The following IPO7 variants were observed in gnomAD, a reference collection of about 807,000 sequenced individuals.
The protein encoded by IPO7 is importin 7.
A neutral mutation model predicts 136.4 loss-of-function variants in IPO7; 13 were observed. The observed-to-expected ratio is 0.10, with a 90% CI of 0.06 to 0.15. The LOEUF is 0.15. IPO7 is among the 10% of genes least tolerant of loss of function. IPO7 has a pLI of 1.00. For synonymous variants in IPO7, 403 were observed against 404.4 expected (o/e 1.00, Z 0.04); for missense variants, 857 against 1,240.6 (o/e 0.69, Z 4.65).
At chr11:9,390,740 A>G (rs1371882604) in intron 1 of IPO7, among the ~76,000 whole-genome samples, 1 of 124,750 alleles carries the variant, frequency 8.0e-6, no homozygotes, top group Non-Finnish European at 1.7e-5. Context: ...TCGCTCGTCC[A>G]GGAGTTTGAG....
chr11:9,392,176 T>A lies in IPO7; in HGVS notation c.84+7329T>A, dbSNP rs1488689721. On this transcript the variant is annotated intron_variant, in intron 1 of 24. Transcript: ENST00000379719. ...ATATTTGCCTTTGTCAAATTCTTTT[T>A]TTTTTTTTTTTTTTTTTTGAGACGG... 3 of 297,210 alleles carry A rather than the reference T, an allele frequency of 1.0e-5. 1 individual carries two copies. Among genetic ancestry groups the A allele is most frequent in the African/African-American group, 7.8e-5 (3 of 38,360 alleles). 18.4% of individuals were successfully genotyped at this position (297,210 alleles called of 1,614,324 possible).
chr11:9,446,611 C>A lies in IPO7; in HGVS notation c.*1417C>A, dbSNP rs982559392. On this transcript the variant is annotated 3_prime_UTR_variant, in exon 25 of 25. Coordinates refer to ENST00000379719, the MANE Select transcript of IPO7 (RefSeq NM_006391.3). Reference sequence around the variant, plus strand: ...GGGTTATTTTTTATATACATGTATACACAAAATATTTCAAATTGAAAGCAA... The same window carrying A: ...GGGTTATTTTTTATATACATGTATAAACAAAATATTTCAAATTGAAAGCAA... 1 of 152,104 alleles carries A rather than the reference C, an allele frequency of 6.6e-6. No individual in the cohort carries two copies. The highest frequency in any genetic ancestry group is 1.5e-5 in the Non-Finnish European group (1 of 68,028). The allele number at this position is 152,104 out of a possible 1,614,324, so 9.4% of individuals were successfully genotyped here.
chr11:9,442,133 T>C lies in IPO7; in HGVS notation c.2955T>C (p.Asn985=), dbSNP rs776336997. The change falls in exon 24 of 25, where the codon AAT becomes AAC. Residue 985 remains asparagine (N), a synonymous_variant. Coordinates refer to ENST00000379719, the MANE Select transcript of IPO7 (RefSeq NM_006391.3). ...VWYQALTHGL[N]EEQRKQLQDI... The stretch of plus-strand genomic sequence containing the variant: ...ATCAGGCACTGACTCACGGTCTTAA[T>C]GAAGAACAAAGAAAACAGTTACAGG... The C allele has an allele frequency of 6.2e-7, 1 of 1,610,458 alleles. No homozygotes were observed. Among genetic ancestry groups the C allele is most frequent in the Non-Finnish European group, 8.5e-7 (1 of 1,176,802 alleles).
At chr11:9,429,263 T>G in intron 14 of IPO7, 67 bp downstream of exon 14, 2 of 1,332,334 alleles carry the variant, frequency 1.5e-6, no homozygotes, top group Non-Finnish European at 2.1e-6. Context: ...ACCTGTAATC[T>G]TAGCACTTCG....
Position 9,448,066 on chromosome 11 carries a change from A to G in IPO7, c.*2872A>G, listed in dbSNP as rs1481674871. The G allele has an allele frequency of 1.3e-5, 2 of 152,342 alleles. No homozygotes were observed. Among genetic ancestry groups the G allele is most frequent in the African/African-American group, 2.4e-5 (1 of 41,584 alleles). The allele number at this position is 152,342 out of a possible 1,614,324, so 9.4% of individuals were successfully genotyped here. On this transcript the variant is annotated 3_prime_UTR_variant, in exon 25 of 25. Coordinates refer to ENST00000379719, the MANE Select transcript of IPO7 (RefSeq NM_006391.3). The stretch of plus-strand genomic sequence containing the variant: ...ATGTCTTTGGCAAAGATCTAACACA[A>G]TGTCTTAAGTATAATAGGTAGTCTC...
intron 24 of IPO7, 69 bp downstream of exon 24, chr11:9,442,266 A>G: frequency 1.6e-6 from 1 of 626,598 alleles, no homozygotes; most frequent in Non-Finnish European, 2.8e-6. Flanking sequence ...ATATCGTTTA[A>G]TTTTATATCA....
Position 9,430,869 on chromosome 11 carries a change from A to G in IPO7, c.1753-6A>G. On this transcript the variant is annotated splice_region_variant and splice_polypyrimidine_tract_variant and intron_variant, in intron 15 of 24. Coordinates refer to ENST00000379719, the MANE Select transcript of IPO7 (RefSeq NM_006391.3). ...ACAAACTTGAGTTATATTCTCTTGAATCTAGGCAATGACATTTAACCAAGT... is the reference window on the plus strand; with the variant it reads ...ACAAACTTGAGTTATATTCTCTTGAGTCTAGGCAATGACATTTAACCAAGT... 6.2e-7 allele frequency: 1 copy of G among 1,611,148 alleles called. No homozygotes were observed. Among genetic ancestry groups the G allele is most frequent in the Non-Finnish European group, 8.5e-7 (1 of 1,179,024 alleles).
intron 19 of IPO7, among the ~76,000 whole-genome samples, chr11:9,435,619 A>AT (rs1005086224): frequency 2.0e-5 from 3 of 152,112 alleles, no homozygotes; most frequent in African/African-American, 2.4e-5. Context: ...TATGTTAGTC[A>AT]TTTTTTACTG....
chr11:9,411,452 CAAAG>C (rs1854967134), intron 4 of IPO7, among the ~76,000 whole-genome samples: 1 of 152,068 alleles, frequency 6.6e-6, no homozygotes, highest in African/African-American at 2.4e-5. Context: ...GTGGTATGAA[CAAAG>C]AAAGAGATGG....
intron 1 of IPO7, among the ~76,000 whole-genome samples, chr11:9,400,347 T>C (rs1003294307): frequency 6.6e-6 from 1 of 152,210 alleles, no homozygotes; most frequent in African/African-American, 2.4e-5. Flanking sequence ...CATGAGGTCA[T>C]AGAGCCCGGT....
intron 1 of IPO7, chr11:9,392,446 G>T (rs1441680586): frequency 1.6e-5 from 3 of 183,082 alleles, no homozygotes; most frequent in African/African-American, 7.2e-5. Context: ...GGGATTACAG[G>T]TGTGAGCCAC....
intron 2 of IPO7, among the ~76,000 whole-genome samples, chr11:9,404,788 G>A (rs528920480): frequency 8.2e-4 from 124 of 152,038 alleles, no homozygotes; most frequent in African/African-American, 2.7e-3. Flanking sequence ...GGATGGTCTC[G>A]ATTTGCTGAC....
chr11:9,423,235 T>C, intron 9 of IPO7, 95 bp downstream of exon 9: 1 of 765,756 alleles, frequency 1.3e-6, no homozygotes, highest in Non-Finnish European at 2.0e-6. Context: ...TGTTGAGTTG[T>C]GTTACTTAGA....
intron 2 of IPO7, among the ~76,000 whole-genome samples, chr11:9,406,406 C>T (rs1854887725): frequency 6.6e-6 from 1 of 151,876 alleles, no homozygotes; most frequent in Non-Finnish European, 1.5e-5. Flanking sequence ...CAAATTTTTA[C>T]TAAGAAGTTA....
intron 1 of IPO7, among the ~76,000 whole-genome samples, chr11:9,389,632 A>G (rs937696154): frequency 3.3e-5 from 5 of 152,344 alleles, no homozygotes; most frequent in East Asian, 1.9e-4. Context: ...CTCCGCATCA[A>G]TAGTCTTTCC....
At chr11:9,417,172 T>C (rs1855053232) in intron 6 of IPO7, 24 bp downstream of exon 6, 1 of 944,748 alleles carries the variant, frequency 1.1e-6, no homozygotes, top group South Asian at 1.5e-5. Flanking sequence ...TGTTCTCTTA[T>C]ATTACTAAAT....
intron 3 of IPO7, 34 bp downstream of exon 3, chr11:9,408,673 G>A: frequency 7.5e-7 from 1 of 1,326,724 alleles, no homozygotes; most frequent in Non-Finnish European, 1.0e-6. Flanking sequence ...ATTTCTGCAG[G>A]TGTGTAACTT....
At chr11:9,405,683 A>G (rs1200230605) in intron 2 of IPO7, among the ~76,000 whole-genome samples, 3 of 152,214 alleles carry the variant, frequency 2.0e-5, no homozygotes, top group Non-Finnish European at 2.9e-5. Flanking sequence ...TGGGCCTTCC[A>G]AAGTGCTAGG....
intron 24 of IPO7, among the ~76,000 whole-genome samples, chr11:9,442,966 T>C (rs1855479050): frequency 6.6e-6 from 1 of 151,708 alleles, no homozygotes; most frequent in South Asian, 2.1e-4. Context: ...GAGGTTGCAG[T>C]GAGTTGAGAT....
Sources: gnomAD v4.1 joint callset for allele counts (sites outside exome capture counted in the v4.1 genomes callset) on GRCh38, gnomAD v4.1.1 for gene constraint, MANE v1.5 for transcripts, NCBI Gene and HGNC (gene_info 2026-07-23, HGNC 2026-07-21) for gene names.